The following PPP2R2B variants were observed in gnomAD, a reference collection of about 807,000 sequenced individuals.
PPP2R2B encodes the protein serine/threonine-protein phosphatase 2A 55 kDa regulatory subunit B beta isoform.
A neutral mutation model predicts 46.0 loss-of-function variants in PPP2R2B; 5 were observed. The observed-to-expected ratio is 0.11, with a 90% CI of 0.06 to 0.23. PPP2R2B has a LOEUF of 0.23. Among genes scored for constraint, PPP2R2B ranks in the 10% least tolerant of loss-of-function variants. The pLI is 1.00. For synonymous variants in PPP2R2B, 215 were observed against 206.7 expected (o/e 1.04, Z -0.34); for missense variants, 367 against 575.0 (o/e 0.64, Z 3.70).
intron 2 of PPP2R2B, among the ~76,000 whole-genome samples, chr5:146,843,893 T>C (rs193093009): frequency 6.6e-6 from 1 of 151,994 alleles, no homozygotes; most frequent in East Asian, 1.9e-4. Flanking sequence ...TTATTGTGAA[T>C]AGTGCCGCAA....
intron 1 of PPP2R2B, among the ~76,000 whole-genome samples, chr5:146,909,830 A>G (rs1458002833): frequency 6.6e-6 from 1 of 152,138 alleles, no homozygotes; most frequent in African/African-American, 2.4e-5. Context: ...TAATAATTCA[A>G]TCATACCTAT....
intron 1 of PPP2R2B, among the ~76,000 whole-genome samples, chr5:146,890,236 T>C (rs548974055): frequency 6.6e-6 from 1 of 152,352 alleles, no homozygotes; most frequent in African/African-American, 2.4e-5. Context: ...ACAGTTCCTC[T>C]TTTCTCCCTT....
intron 1 of PPP2R2B, among the ~76,000 whole-genome samples, chr5:147,055,236 A>G (rs1757023933): frequency 1.3e-5 from 2 of 152,220 alleles, no homozygotes; most frequent in East Asian, 1.9e-4. Context: ...AGCTAATTCT[A>G]CTTTGCTAAT....
intron 2 of PPP2R2B, among the ~76,000 whole-genome samples, chr5:146,812,927 C>T (rs890588911): frequency 6.9e-6 from 1 of 145,390 alleles, no homozygotes; most frequent in Admixed American, 7.1e-5. Flanking sequence ...TCAGTTATAT[C>T]CCGCTGGGTC....
intron 1 of PPP2R2B, among the ~76,000 whole-genome samples, chr5:146,987,659 A>T (rs1753493113): frequency 6.6e-6 from 1 of 152,010 alleles, no homozygotes; most frequent in Non-Finnish European, 1.5e-5. Flanking sequence ...AAGTATTTAA[A>T]ACATACTACC....
intron 2 of PPP2R2B, among the ~76,000 whole-genome samples, chr5:146,779,941 TG>T (rs1482138381): frequency 1.3e-5 from 2 of 152,202 alleles, no homozygotes; most frequent in African/African-American, 4.8e-5. Flanking sequence ...GGACGAATTT[TG>T]GTTTATGTTA....
rs74793005 is a variant in PPP2R2B, at chr5:146,850,852, C to T, written c.70+27150G>A. 3.0e-3 allele frequency among the ~76,000 whole-genome samples: 453 copies of T among 152,168 alleles called. 20 individuals carry two copies. In the East Asian group the frequency reaches 0.083, roughly 28 times the overall value. ...CCCATAGCTGGTATACAATAAGTGC[C>T]CAATAAACACCTATCAAGTAAATGT... On this transcript the variant is annotated intron_variant, in intron 2 of 9. Coordinates refer to ENST00000394411, the MANE Select transcript of PPP2R2B (RefSeq NM_181675.4).
At chr5:146,693,004 C>T (rs112692649) in intron 4 of PPP2R2B, among the ~76,000 whole-genome samples, 116 of 152,282 alleles carry the variant, frequency 7.6e-4, no homozygotes, top group African/African-American at 2.6e-3. Flanking sequence ...CTGTCTTGCA[C>T]AAGGTAGGGT....
chr5:146,623,709 A>C (rs369161902), intron 7 of PPP2R2B, among the ~76,000 whole-genome samples: 2 of 152,242 alleles, frequency 1.3e-5, no homozygotes, highest in Middle Eastern at 3.2e-3. Context: ...TAAAAAGAGA[A>C]GATAAAGGCA....
At chr5:146,866,609 T>TAC (rs1761324212) in intron 2 of PPP2R2B, among the ~76,000 whole-genome samples, 1 of 150,416 alleles carries the variant, frequency 6.6e-6, no homozygotes, top group Admixed American at 6.7e-5. Flanking sequence ...TATATATATA[T>TAC]ACACACACGC....
chr5:146,989,497 CTA>C (rs1753589747), intron 1 of PPP2R2B, among the ~76,000 whole-genome samples: 3 of 152,074 alleles, frequency 2.0e-5, no homozygotes, highest in South Asian at 4.2e-4. Flanking sequence ...AAAACAAAGA[CTA>C]TGTGATCATT....
chr5:147,069,608 G>A (rs1457257059), intron 2 of PPP2R2B, among the ~76,000 whole-genome samples: 6 of 151,982 alleles, frequency 3.9e-5, no homozygotes, highest in African/African-American at 1.2e-4. Flanking sequence ...CTTCACACTT[G>A]TTGTCTCCTG....
intron 2 of PPP2R2B, among the ~76,000 whole-genome samples, chr5:146,768,513 G>A (rs1243638129): frequency 2.0e-5 from 3 of 152,126 alleles, no homozygotes; most frequent in Non-Finnish European, 4.4e-5. Flanking sequence ...CCACTGTCAT[G>A]GCCTCCAAAT....
intron 1 of PPP2R2B, among the ~76,000 whole-genome samples, chr5:146,931,215 T>C (rs1246913905): frequency 1.3e-5 from 2 of 152,132 alleles, no homozygotes; most frequent in Admixed American, 6.6e-5. Flanking sequence ...CAAGTGGTAA[T>C]GTGATGAAAA....
chr5:146,944,794 G>T (rs945416435), intron 1 of PPP2R2B, among the ~76,000 whole-genome samples: 3 of 152,002 alleles, frequency 2.0e-5, no homozygotes, highest in Non-Finnish European at 4.4e-5. Context: ...TAAAGGTAAA[G>T]AAATACTGTG....
chr5:146,909,900 C>T (rs73796093), intron 1 of PPP2R2B, among the ~76,000 whole-genome samples: 3,899 of 152,304 alleles, frequency 0.026, 147 homozygotes, highest in African/African-American at 0.07. Context: ...TTAAGGACTA[C>T]CCCTATGGCT....
At chr5:146,979,558 AACACACACAC>A (rs34864782) in intron 1 of PPP2R2B, among the ~76,000 whole-genome samples, 7 of 137,268 alleles carry the variant, frequency 5.1e-5, no homozygotes, top group African/African-American at 1.9e-4. Flanking sequence ...CCCACCTTGA[AACACACACAC>A]ACACACACAC....
At chr5:146,637,362 G>A (rs373615570) in intron 7 of PPP2R2B, among the ~76,000 whole-genome samples, 1 of 152,160 alleles carries the variant, frequency 6.6e-6, no homozygotes, top group Non-Finnish European at 1.5e-5. Flanking sequence ...GGCATCTAGT[G>A]GGTAAGGCCA....
At chr5:146,991,543 G>C (rs1753699167) in intron 1 of PPP2R2B, among the ~76,000 whole-genome samples, 1 of 152,146 alleles carries the variant, frequency 6.6e-6, no homozygotes, top group Non-Finnish European at 1.5e-5. Flanking sequence ...TAACAATGTA[G>C]TGTATATTTC....
Sources: allele counts gnomAD v4.1 joint callset (sites outside exome capture counted in the v4.1 genomes callset), GRCh38; gene constraint gnomAD v4.1.1; transcripts MANE v1.5; gene names NCBI Gene and HGNC (gene_info 2026-07-23, HGNC 2026-07-21).